The following TBXAS1 variants were observed in gnomAD, a reference collection of about 807,000 sequenced individuals.
TBXAS1 encodes thromboxane A synthase 1, also known as thromboxane-A synthase.
TBXAS1 carries 48 observed loss-of-function variants against 60.7 expected under a neutral mutation model. That is an observed-to-expected ratio of 0.79 (90% confidence interval 0.63 to 1.01). The LOEUF is 1.01. Ranked by LOEUF, TBXAS1 falls within the 50% of genes least tolerant of loss-of-function variation. TBXAS1 has a pLI of 0.00. For missense variants in TBXAS1, 685 were observed against 686.3 expected (o/e 1.00, Z 0.02); for synonymous variants, 287 against 269.7 (o/e 1.06, Z -0.63).
intron 1 of TBXAS1, among the ~76,000 whole-genome samples, chr7:139,834,115 C>G (rs541012825): frequency 6.6e-6 from 1 of 152,326 alleles, no homozygotes; most frequent in East Asian, 1.9e-4. Flanking sequence ...AGCACTCTCT[C>G]AGACCACAAC....
intron 2 of TBXAS1, among the ~76,000 whole-genome samples, chr7:139,874,423 C>T (rs896363890): frequency 7.9e-5 from 12 of 152,334 alleles, no homozygotes; most frequent in Middle Eastern, 3.4e-3. Context: ...ACATATGCTC[C>T]TTTGCAGCCC....
At chr7:139,980,647 T>C (rs1036821346) in intron 9 of TBXAS1, among the ~76,000 whole-genome samples, 1 of 151,506 alleles carries the variant, frequency 6.6e-6, no homozygotes. Context: ...CTCCCCGTCT[T>C]CTCCTTGGAG....
chr7:139,947,274 T>C (rs1808798285), intron 5 of TBXAS1, among the ~76,000 whole-genome samples: 1 of 152,208 alleles, frequency 6.6e-6, no homozygotes, highest in Admixed American at 6.5e-5. Flanking sequence ...GGGACATGGA[T>C]GGAGCTGGAG....
chr7:139,900,892 A>G (rs1272898964), intron 3 of TBXAS1, among the ~76,000 whole-genome samples: 1 of 152,172 alleles, frequency 6.6e-6, no homozygotes, highest in African/African-American at 2.4e-5. Context: ...GGAGTGGGTC[A>G]TGTGTCCACC....
intron 4 of TBXAS1, among the ~76,000 whole-genome samples, chr7:139,805,649 C>G (rs887318753): frequency 3.5e-5 from 5 of 144,504 alleles, no homozygotes; most frequent in Admixed American, 2.1e-4. Context: ...CTCCCTCCCT[C>G]CCTTCTTTTT....
chr7:140,012,510 G>A (rs1217984640), intron 10 of TBXAS1, among the ~76,000 whole-genome samples: 2 of 150,490 alleles, frequency 1.3e-5, no homozygotes, highest in East Asian at 3.9e-4. Flanking sequence ...TCGCTCAGGT[G>A]TACAGTGGTG....
intron 5 of TBXAS1, among the ~76,000 whole-genome samples, chr7:139,942,051 T>C (rs1215421202): frequency 1.3e-5 from 2 of 152,200 alleles, no homozygotes; most frequent in Non-Finnish European, 2.9e-5. Flanking sequence ...GAGACTCTTG[T>C]AAGATTGCAT....
At chr7:139,901,021 T>G (rs1282520386) in intron 3 of TBXAS1, among the ~76,000 whole-genome samples, 1 of 152,160 alleles carries the variant, frequency 6.6e-6, no homozygotes, top group Non-Finnish European at 1.5e-5. Flanking sequence ...CCTTCAGAAC[T>G]GCATGGAATG....
chr7:139,815,796 A>G lies in TBXAS1; in HGVS notation c.-79-13516A>G, dbSNP rs114398511. On this transcript the variant is annotated intron_variant, in intron 4 of 16. Coordinates refer to the TBXAS1 transcript ENST00000336425. ...GAGGAGAGGGGAAGAGGAAACCCCC[A>G]GGCAGCCAGTGACCAGGAAAGCAGT... Among the ~76,000 whole-genome samples, 844 of 152,308 alleles carry G rather than the reference A, an allele frequency of 5.5e-3. 6 individuals are homozygous for G. The highest frequency in any genetic ancestry group is 0.019 in the African/African-American group (798 of 41,562).
intron 2 of TBXAS1, 113 bp downstream of exon 2, chr7:139,872,441 G>A: frequency 1.9e-6 from 2 of 1,038,314 alleles, no homozygotes; most frequent in South Asian, 2.5e-5. Context: ...GATCACCTGA[G>A]GTCAGGAGTT....
In TBXAS1 at chr7:140,004,764, G is replaced by A. The variant is rs912689648; in HGVS notation, c.1135-2327G>A. On this transcript the variant is annotated intron_variant, in intron 9 of 12. Transcript: ENST00000448866. This position sits in a 1 kb window ranked among gnomAD's most constrained non-coding sequence, Gnocchi z 5.1. ...CAGCCTTCCCCAGCCAGCCACAGCA[G>A]ACTAACCTCCAAGGATCTCTAAACC... Among the ~76,000 whole-genome samples, 3 of 152,188 alleles carry A rather than the reference G, an allele frequency of 2.0e-5. No individual in the cohort carries two copies. Among genetic ancestry groups the A allele is most frequent in the African/African-American group, 7.2e-5 (3 of 41,444 alleles).
At chr7:139,994,086 G>A (rs1813126611) in intron 9 of TBXAS1, among the ~76,000 whole-genome samples, 2 of 151,460 alleles carry the variant, frequency 1.3e-5, no homozygotes, top group South Asian at 4.2e-4. Flanking sequence ...TTGTTGCCCA[G>A]GCTGGAGTGC....
At chr7:139,833,490 C>G (rs1798843367) in intron 1 of TBXAS1, among the ~76,000 whole-genome samples, 1 of 132,708 alleles carries the variant, frequency 7.5e-6, no homozygotes, top group Non-Finnish European at 1.6e-5. Flanking sequence ...ACAGTGAAAC[C>G]CCGTCTCTAC....
At chr7:139,838,894 A>AGAC (rs1463730391) in intron 1 of TBXAS1, among the ~76,000 whole-genome samples, 1 of 152,220 alleles carries the variant, frequency 6.6e-6, no homozygotes, top group African/African-American at 2.4e-5. Context: ...GCACATGCTA[A>AGAC]GACGATTAAC....
rs182583278 is a variant in TBXAS1 at position 139,952,639 on chromosome 7, A to C, written c.451-729A>C. The C allele has an allele frequency of 6.4e-5, 98 of 1,537,264 alleles. No individual in the cohort carries two copies. The African/African-American group carries it at 1.2e-3, about 19-fold the overall frequency. ...AGAATTCCACCCACCCGTTTGTCGA[A>C]GCCGAGTGGTATCTATGTGAATCTC... On this transcript the variant is annotated intron_variant, in intron 5 of 12. Transcript: ENST00000448866.
At chr7:139,947,868 CTTT>C (rs5887941) in intron 5 of TBXAS1, among the ~76,000 whole-genome samples, 1 of 146,006 alleles carries the variant, frequency 6.8e-6, no homozygotes. Context: ...AAACAACAGA[CTTT>C]TTTTTTTTTT....
chr7:139,953,751 G>A (rs1410615534), intron 6 of TBXAS1, among the ~76,000 whole-genome samples: 1 of 152,192 alleles, frequency 6.6e-6, no homozygotes, highest in Non-Finnish European at 1.5e-5. Context: ...AGGGATGGGG[G>A]GAAAGTTCAA....
At chr7:139,889,376 A>G (rs1803378827) in intron 3 of TBXAS1, among the ~76,000 whole-genome samples, 1 of 152,320 alleles carries the variant, frequency 6.6e-6, no homozygotes, top group Non-Finnish European at 1.5e-5. Flanking sequence ...GATTGTAACA[A>G]GTAAGAGATG....
chr7:139,921,003 G>A (rs1806425004), intron 4 of TBXAS1, among the ~76,000 whole-genome samples: 2 of 152,180 alleles, frequency 1.3e-5, no homozygotes, highest in Non-Finnish European at 2.9e-5. Flanking sequence ...ATGAAACCTT[G>A]TAGTTACATC....
Sources: allele counts gnomAD v4.1 joint callset (sites outside exome capture counted in the v4.1 genomes callset), GRCh38; gene constraint gnomAD v4.1.1; non-coding constraint Gnocchi (gnomAD v3.1); transcripts MANE v1.5; gene names NCBI Gene and HGNC (gene_info 2026-07-23, HGNC 2026-07-21).